EPHA5: variants seen among roughly 807,000 people sequenced by gnomAD.
EPHA5 encodes EPH receptor A5.
In EPHA5, 60 loss-of-function variants were observed where a neutral mutation model predicts 105.0. That is an observed-to-expected ratio of 0.57 (90% CI 0.46 to 0.71). The LOEUF is 0.71. Among genes scored for constraint, EPHA5 ranks in the 30% least tolerant of loss-of-function variants. EPHA5 has a pLI of 0.00. For synonymous variants in EPHA5, 513 were observed against 449.1 expected (o/e 1.14, Z -1.80); for missense variants, 1,218 against 1,274.7 (o/e 0.96, Z 0.68).
chr4:65,356,985 TA>T (rs1723362710), intron 11 of EPHA5, among the ~76,000 whole-genome samples: 1 of 151,520 alleles, frequency 6.6e-6, no homozygotes, highest in African/African-American at 2.4e-5. Context: ...AAAATCCATA[TA>T]AAAATAACTC....
chr4:65,446,187 A>C (rs572635872), intron 5 of EPHA5, among the ~76,000 whole-genome samples: 1 of 152,330 alleles, frequency 6.6e-6, no homozygotes, highest in East Asian at 1.9e-4. Context: ...TGTCTGCTTA[A>C]TGCAATTGTA....
At chr4:65,398,067 C>G (rs960363580) in intron 8 of EPHA5, among the ~76,000 whole-genome samples, 87 of 152,172 alleles carry the variant, frequency 5.7e-4, no homozygotes, top group African/African-American at 2.0e-3. Context: ...GCCCCACCCT[C>G]TTAAGTGCAG....
chr4:65,442,577 T>C lies in EPHA5; in HGVS notation c.1403-22012A>G, dbSNP rs1726124478. ...ATATATCAGTGCCATTCTGTGTACT[T>C]GTATGTGTGTAGAAACTGGACATCC... On this transcript the variant is annotated intron_variant, in intron 5 of 16. Transcript: ENST00000613740. Among the ~76,000 whole-genome samples, 3 of 152,210 alleles carry C rather than the reference T, an allele frequency of 2.0e-5. 1 individual carries two copies. In the South Asian group the frequency reaches 6.2e-4, roughly 32 times the overall value.
At chr4:65,619,689 A>G (rs1036947034) in intron 2 of EPHA5, among the ~76,000 whole-genome samples, 3 of 152,052 alleles carry the variant, frequency 2.0e-5, no homozygotes, top group Admixed American at 6.6e-5. Flanking sequence ...ATTCAGCCAG[A>G]GAAATACTGA....
intron 3 of EPHA5, among the ~76,000 whole-genome samples, chr4:65,595,977 A>G (rs1248999833): frequency 6.6e-6 from 1 of 152,208 alleles, no homozygotes; most frequent in Non-Finnish European, 1.5e-5. Flanking sequence ...TGGCAGAGGT[A>G]GAATAAGACT....
At chr4:65,658,255 T>G (rs1036419183) in intron 1 of EPHA5, among the ~76,000 whole-genome samples, 1 of 152,074 alleles carries the variant, frequency 6.6e-6, no homozygotes, top group Non-Finnish European at 1.5e-5. Context: ...AGAGCAGTTC[T>G]TCACCGCAGG....
At chr4:65,557,953 A>C (rs1458574802) in intron 3 of EPHA5, among the ~76,000 whole-genome samples, 1 of 151,484 alleles carries the variant, frequency 6.6e-6, no homozygotes, top group Non-Finnish European at 1.5e-5. Flanking sequence ...GCTCACTGCA[A>C]CTTCCCTCCT....
At chr4:65,410,808 C>G (rs1362048712) in intron 7 of EPHA5, among the ~76,000 whole-genome samples, 1 of 152,020 alleles carries the variant, frequency 6.6e-6, no homozygotes, top group Non-Finnish European at 1.5e-5. Context: ...CTCATTCAGA[C>G]TACACAGATT....
At chr4:65,523,877 G>A (rs1310748888) in intron 3 of EPHA5, among the ~76,000 whole-genome samples, 2 of 151,758 alleles carry the variant, frequency 1.3e-5, no homozygotes, top group African/African-American at 4.8e-5. Context: ...GGGACGAAAT[G>A]GTGGATACTC....
chr4:65,514,922 C>T (rs186766423), intron 3 of EPHA5, among the ~76,000 whole-genome samples: 85 of 152,278 alleles, frequency 5.6e-4, no homozygotes, highest in East Asian at 1.9e-4. Context: ...CCCTTTCCTA[C>T]CTCAGCCAAT....
chr4:65,477,522 C>T (rs1418248800), intron 5 of EPHA5, among the ~76,000 whole-genome samples: 2 of 152,068 alleles, frequency 1.3e-5, no homozygotes, highest in African/African-American at 2.4e-5. Flanking sequence ...AAGTGATTCT[C>T]CTGCCTCAGG....
At chr4:65,573,237 C>A (rs999759900) in intron 3 of EPHA5, among the ~76,000 whole-genome samples, 2 of 150,960 alleles carry the variant, frequency 1.3e-5, no homozygotes. Flanking sequence ...CGGTGAAACC[C>A]CGTCTCTACT....
chr4:65,661,843 T>A (rs1749585109), intron 1 of EPHA5, among the ~76,000 whole-genome samples: 1 of 152,116 alleles, frequency 6.6e-6, no homozygotes, highest in Non-Finnish European at 1.5e-5. Context: ...AGCAAATAAG[T>A]TAGCTGTCTT....
At chr4:65,477,077 T>A (rs1729892881) in intron 5 of EPHA5, among the ~76,000 whole-genome samples, 1 of 152,222 alleles carries the variant, frequency 6.6e-6, no homozygotes, top group Non-Finnish European at 1.5e-5. Flanking sequence ...GTAAGAACTG[T>A]TGTGCTCCTA....
chr4:65,456,625 C>T (rs578186644), intron 5 of EPHA5, among the ~76,000 whole-genome samples: 2 of 152,100 alleles, frequency 1.3e-5, no homozygotes, highest in South Asian at 4.2e-4. Context: ...AATTTCTAAT[C>T]AACATAAAAG....
chr4:65,467,972 T>C (rs6852766), intron 5 of EPHA5, among the ~76,000 whole-genome samples: 144,303 of 152,242 alleles, frequency 0.95, 68,557 homozygotes, highest in East Asian at 1. Context: ...CTAGAAAGGA[T>C]AGTAAATGAA....
intron 2 of EPHA5, among the ~76,000 whole-genome samples, chr4:65,640,244 G>A (rs1747520329): frequency 6.7e-6 from 1 of 149,892 alleles, no homozygotes; most frequent in Non-Finnish European, 1.5e-5. Flanking sequence ...ATTTTTCAAT[G>A]GCCATGTGTA....
intron 3 of EPHA5, among the ~76,000 whole-genome samples, chr4:65,535,472 T>C (rs1243793008): frequency 6.6e-6 from 1 of 152,148 alleles, no homozygotes; most frequent in Non-Finnish European, 1.5e-5. Flanking sequence ...ATGTTAAAAA[T>C]GCAGATAAAT....
Position 65,574,615 on chromosome 4 carries a change from TATATATATATACAC to T in EPHA5, c.910+27012_910+27025del, listed in dbSNP as rs1560717301. On this transcript the variant is annotated intron_variant, in intron 3 of 16. Transcript: ENST00000613740. The stretch of plus-strand genomic sequence containing the variant: ...ATATATTGCTGTATATATATATACA[TATATATATATACAC>T]ATATATATATACACATATATATACA... Among the ~76,000 whole-genome samples the T allele has an allele frequency of 1.1e-4, 14 of 125,972 alleles. 1 individual carries two copies. Among genetic ancestry groups the T allele is most frequent in the Middle Eastern group, 8.5e-3 (2 of 236 alleles). The allele number at this position is 125,972 out of a possible 152,430, so 82.6% of individuals were successfully genotyped here.
Sources: allele counts gnomAD v4.1 joint callset (sites outside exome capture counted in the v4.1 genomes callset), GRCh38; gene constraint gnomAD v4.1.1; transcripts MANE v1.5; gene names NCBI Gene and HGNC (gene_info 2026-07-23, HGNC 2026-07-21).